CEP170: variants seen among roughly 807,000 people sequenced by gnomAD.
CEP170 encodes centrosomal protein 170, also known as centrosomal protein of 170 kDa.
Under a neutral mutation model 151.9 loss-of-function variants are expected in CEP170, and 21 were observed. The ratio of observed to expected loss-of-function variants is 0.14; its 90% CI spans 0.10 to 0.20. The LOEUF (loss-of-function observed/expected upper bound fraction) is 0.20, where lower values mean the gene tolerates loss of function less well. Ranked by LOEUF, CEP170 falls within the 10% of genes least tolerant of loss-of-function variation. The probability of loss-of-function intolerance (pLI) is 1.00; values close to 1 mark genes in which losing one functional copy is unlikely to be tolerated. For synonymous variants in CEP170, 356 were observed against 648.8 expected (o/e 0.55, Z 6.86); for missense variants, 964 against 1,892.9 (o/e 0.51, Z 9.11).
At chr1:243,133,115 T>C (rs1487229228) in intron 17 of CEP170, among the ~76,000 whole-genome samples, 1 of 152,236 alleles carries the variant, frequency 6.6e-6, no homozygotes, top group Non-Finnish European at 1.5e-5. Flanking sequence ...TCACTTCACA[T>C]AGCTTTTGAG....
intron 3 of CEP170, among the ~76,000 whole-genome samples, chr1:243,212,446 C>T (rs1027104803): frequency 6.6e-5 from 10 of 152,230 alleles, no homozygotes; most frequent in Non-Finnish European, 1.5e-4. Flanking sequence ...ATTTATTTTG[C>T]AGTTGTCATA....
chr1:243,186,443 C>A, intron 8 of CEP170, 21 bp from the exon 9 acceptor site: 1 of 1,573,320 alleles, frequency 6.4e-7, no homozygotes, highest in Non-Finnish European at 8.6e-7. Flanking sequence ...AAAGAAAACA[C>A]ACAATAGAGA....
intron 3 of CEP170, among the ~76,000 whole-genome samples, chr1:243,215,603 G>A (rs1197591928): frequency 6.6e-6 from 1 of 152,138 alleles, no homozygotes; most frequent in East Asian, 1.9e-4. Flanking sequence ...CTGGTTGTCT[G>A]CTCTCAAACC....
chr1:243,221,642 A>T, intron 3 of CEP170, 82 bp downstream of exon 3: 2 of 1,338,564 alleles, frequency 1.5e-6, no homozygotes, highest in Middle Eastern at 1.9e-4. Flanking sequence ...AAGAAAATGT[A>T]GCTAGGAAAT....
intron 4 of CEP170, chr1:243,211,671 GA>G (rs1187456118): frequency 3.1e-4 from 148 of 478,610 alleles, no homozygotes; most frequent in East Asian, 5.5e-4. Flanking sequence ...GAGAGAGAGG[GA>G]AAAAAAAAGC....
At chr1:243,135,185 C>A (rs2054901961) in intron 17 of CEP170, among the ~76,000 whole-genome samples, 1 of 152,048 alleles carries the variant, frequency 6.6e-6, no homozygotes. Flanking sequence ...AAGAGAAAGT[C>A]TGGTACACCT....
chr1:243,151,850 T>G (rs1181153940), intron 14 of CEP170, among the ~76,000 whole-genome samples: 3 of 152,206 alleles, frequency 2.0e-5, no homozygotes, highest in Non-Finnish European at 4.4e-5. Flanking sequence ...GCTTCAAAGC[T>G]TCAAAGGACA....
chr1:243,207,914 T>C (rs2061528147), intron 4 of CEP170, among the ~76,000 whole-genome samples: 1 of 151,924 alleles, frequency 6.6e-6, no homozygotes, highest in African/African-American at 2.4e-5. Context: ...GAAAAAAGTT[T>C]AGAATAAAGG....
intron 14 of CEP170, 140 bp downstream of exon 14, chr1:243,156,081 T>C: frequency 1.7e-6 from 2 of 1,210,554 alleles, no homozygotes; most frequent in South Asian, 3.3e-5. Context: ...GTAATACTAC[T>C]GACTAAACGG....
intron 17 of CEP170, among the ~76,000 whole-genome samples, chr1:243,132,155 G>GTTA (rs1188915086): frequency 6.6e-6 from 1 of 152,124 alleles, no homozygotes; most frequent in African/African-American, 2.4e-5. Context: ...GACATTTGAG[G>GTTA]TTATAACTCC....
At chr1:243,203,905 G>A (rs957986287) in intron 4 of CEP170, among the ~76,000 whole-genome samples, 3 of 151,744 alleles carry the variant, frequency 2.0e-5, no homozygotes, top group African/African-American at 4.8e-5. Flanking sequence ...CTTTCTAAGG[G>A]GAAAATTTTA....
At chr1:243,187,068 T>G (rs1247451288) in intron 8 of CEP170, among the ~76,000 whole-genome samples, 2 of 152,228 alleles carry the variant, frequency 1.3e-5, no homozygotes, top group Non-Finnish European at 2.9e-5. Flanking sequence ...TCTAGTGGCT[T>G]CAGAGTTAAA....
At chr1:243,221,319 G>T (rs1432250806) in intron 3 of CEP170, among the ~76,000 whole-genome samples, 1 of 152,168 alleles carries the variant, frequency 6.6e-6, no homozygotes, top group Non-Finnish European at 1.5e-5. Flanking sequence ...CACCGCGCCC[G>T]GCCCCAGCTC....
chr1:243,206,381 CT>C (rs59270958), intron 4 of CEP170, among the ~76,000 whole-genome samples: 146,335 of 152,332 alleles, frequency 0.96, 70,575 homozygotes, highest in East Asian at 1. Context: ...ATCCGCTTGC[CT>C]TCAGCCTCCC....
At chr1:243,231,967 T>C (rs539932859) in intron 1 of CEP170, among the ~76,000 whole-genome samples, 8 of 151,872 alleles carry the variant, frequency 5.3e-5, no homozygotes, top group Non-Finnish European at 1.0e-4. Context: ...TCTTCTTCTT[T>C]TTTTTTCTTT....
chr1:243,216,368 C>T (rs2062293744), intron 3 of CEP170, among the ~76,000 whole-genome samples: 1 of 149,588 alleles, frequency 6.7e-6, no homozygotes, highest in Admixed American at 6.7e-5. Flanking sequence ...CCCGACCCCA[C>T]AACAGGCCCC....
chr1:243,227,893 C>T lies in CEP170; in HGVS notation c.-41-2572G>A, dbSNP rs1282315103. On this transcript the variant is annotated intron_variant, in intron 1 of 19. Transcript: ENST00000366542. ...GGGCTTGGTCATTAAGGGAATAAGC[C>T]CTGGAGTCATATAGACAGATGTGAG... is the stretch of plus-strand genomic sequence containing the variant. Among the ~76,000 whole-genome samples, 9 of 152,194 alleles carry T rather than the reference C, an allele frequency of 5.9e-5. 1 individual carries two copies. In the South Asian group the frequency reaches 1.7e-3, roughly 28 times the overall value.
chr1:243,166,574 A>C (rs2058458831), intron 12 of CEP170: 1 of 157,848 alleles, frequency 6.3e-6, no homozygotes, highest in Admixed American at 6.0e-5. Context: ...TTGAGATGTA[A>C]GTTAAAAATG....
At chr1:243,150,807 T>C (rs2148408491) in intron 14 of CEP170, among the ~76,000 whole-genome samples, 1 of 152,320 alleles carries the variant, frequency 6.6e-6, no homozygotes, top group South Asian at 2.1e-4. Context: ...AAGCACTAGG[T>C]TAAGTATGTG....
Sources: allele counts gnomAD v4.1 joint callset (sites outside exome capture counted in the v4.1 genomes callset), GRCh38; gene constraint gnomAD v4.1.1; transcripts MANE v1.5; gene names NCBI Gene and HGNC (gene_info 2026-07-23, HGNC 2026-07-21).